The following NELL1 variants were observed in gnomAD, a reference collection of about 807,000 sequenced individuals.
The protein encoded by NELL1 is protein kinase C-binding protein NELL1.
In NELL1, 76 loss-of-function variants were observed where a neutral mutation model predicts 107.4. The ratio of observed to expected loss-of-function variants is 0.71; its 90% CI spans 0.59 to 0.86. The LOEUF (loss-of-function observed/expected upper bound fraction) is 0.86, where lower values mean the gene tolerates loss of function less well. NELL1 is among the 40% of genes least tolerant of loss of function. NELL1 has a pLI of 0.00. For synonymous variants in NELL1, 353 were observed against 341.2 expected (o/e 1.03, Z -0.38); for missense variants, 1,024 against 1,005.5 (o/e 1.02, Z -0.25).
chr11:21,431,405 G>T (rs918790400), intron 15 of NELL1, among the ~76,000 whole-genome samples: 3 of 152,106 alleles, frequency 2.0e-5, no homozygotes, highest in African/African-American at 7.2e-5. Context: ...CACTAAGGTA[G>T]ATCTGTTAAT....
intron 1 of NELL1, among the ~76,000 whole-genome samples, chr11:20,673,791 T>G (rs979509080): frequency 4.6e-5 from 7 of 152,174 alleles, no homozygotes; most frequent in African/African-American, 1.7e-4. Context: ...TAATTGAGTT[T>G]CCTAGGAAAG....
At chr11:21,327,905 G>A (rs1424397883) in intron 14 of NELL1, among the ~76,000 whole-genome samples, 1 of 152,188 alleles carries the variant, frequency 6.6e-6, no homozygotes, top group Non-Finnish European at 1.5e-5. Flanking sequence ...TTGAACTCGG[G>A]AGAGATGATT....
At chr11:21,443,501 A>G (rs1452098005) in intron 15 of NELL1, among the ~76,000 whole-genome samples, 1 of 135,140 alleles carries the variant, frequency 7.4e-6, no homozygotes, top group Non-Finnish European at 1.5e-5. Context: ...GTGAGAAAAA[A>G]AAATAATATC....
chr11:20,696,747 A>G (rs543638319), intron 2 of NELL1, among the ~76,000 whole-genome samples: 6 of 152,304 alleles, frequency 3.9e-5, no homozygotes, highest in African/African-American at 1.4e-4. Context: ...GAAAAATTAC[A>G]TTTAATGAAG....
chr11:20,986,021 G>A (rs1350808144), intron 12 of NELL1, among the ~76,000 whole-genome samples: 2 of 152,168 alleles, frequency 1.3e-5, no homozygotes, highest in Non-Finnish European at 2.9e-5. Context: ...GAAGCCCAAA[G>A]TTGGCATGCT....
chr11:21,227,600 A>G (rs1857927907), intron 13 of NELL1, among the ~76,000 whole-genome samples: 1 of 152,192 alleles, frequency 6.6e-6, no homozygotes, highest in African/African-American at 2.4e-5. Context: ...TGCACCTGCA[A>G]ATACTAGGTA....
chr11:21,071,737 C>G (rs1385615564), intron 12 of NELL1, among the ~76,000 whole-genome samples: 1 of 152,158 alleles, frequency 6.6e-6, no homozygotes, highest in Non-Finnish European at 1.5e-5. Flanking sequence ...TGGATGCAGA[C>G]ATCAGGAATC....
intron 12 of NELL1, among the ~76,000 whole-genome samples, chr11:21,022,165 GA>G (rs1182901634): frequency 6.6e-6 from 1 of 152,064 alleles, no homozygotes; most frequent in African/African-American, 2.4e-5. Flanking sequence ...CATGTATATG[GA>G]AAAGAAAGGA....
chr11:21,341,637 C>G (rs971688151), intron 14 of NELL1, among the ~76,000 whole-genome samples: 2 of 152,224 alleles, frequency 1.3e-5, no homozygotes, highest in African/African-American at 4.8e-5. Flanking sequence ...GAAACTGTTC[C>G]CCAGACCAAG....
In NELL1 at chr11:21,221,545, G is replaced by A. The variant is rs114019102; in HGVS notation, c.1427-7787G>A. ...TTTGCTGGGAGATTTTTTTGTTACT[G>A]TTTCAATCTCTTTACTTGTTATTGG... On this transcript the variant is annotated intron_variant, in intron 13 of 19. Transcript: ENST00000357134. Among the ~76,000 whole-genome samples, 656 of 152,168 alleles carry A rather than the reference G, an allele frequency of 4.3e-3. 6 individuals carry two copies. The highest frequency in any genetic ancestry group is 0.015 in the African/African-American group (627 of 41,508).
chr11:21,285,445 C>G (rs1270432713), intron 14 of NELL1, among the ~76,000 whole-genome samples: 2 of 152,170 alleles, frequency 1.3e-5, no homozygotes, highest in African/African-American at 4.8e-5. Context: ...TGTAACTTTT[C>G]TAATAAATAG....
At chr11:21,286,718 G>A (rs1849126450) in intron 14 of NELL1, among the ~76,000 whole-genome samples, 1 of 152,232 alleles carries the variant, frequency 6.6e-6, no homozygotes, top group African/African-American at 2.4e-5. Context: ...GACTGCTGCA[G>A]TGACACCTAG....
At chr11:20,696,644 C>T (rs1463468022) in intron 2 of NELL1, among the ~76,000 whole-genome samples, 1 of 151,978 alleles carries the variant, frequency 6.6e-6, no homozygotes, top group Non-Finnish European at 1.5e-5. Flanking sequence ...TTTGTTTGTG[C>T]CTGATTATGA....
In NELL1 at chr11:21,386,500, G is replaced by T. The variant is rs149434253; in HGVS notation, c.1645+15552G>T. On this transcript the variant is annotated intron_variant, in intron 15 of 19. Transcript: ENST00000357134. ...GGCTTTCATAGAACATTCCTGATCA[G>T]ATAAGCATGGCCAGATATAGTATTT... is the stretch of plus-strand genomic sequence containing the variant. Among the ~76,000 whole-genome samples the T allele has an allele frequency of 9.2e-5, 14 of 151,986 alleles. No individual in the cohort carries two copies. In the East Asian group the frequency reaches 2.7e-3, roughly 30 times the overall value.
intron 12 of NELL1, among the ~76,000 whole-genome samples, chr11:21,060,630 T>G (rs1325787499): frequency 6.6e-6 from 1 of 152,204 alleles, no homozygotes; most frequent in Non-Finnish European, 1.5e-5. Flanking sequence ...ATTCTTGAAT[T>G]GTCTAGGACT....
At chr11:21,242,722 C>T (rs1463134012) in intron 14 of NELL1, among the ~76,000 whole-genome samples, 3 of 152,088 alleles carry the variant, frequency 2.0e-5, no homozygotes, top group South Asian at 4.1e-4. Context: ...CCCTTCCAAC[C>T]GTGTCATCAC....
At chr11:21,281,684 C>A (rs1407848758) in intron 14 of NELL1, among the ~76,000 whole-genome samples, 1 of 152,090 alleles carries the variant, frequency 6.6e-6, no homozygotes, top group Non-Finnish European at 1.5e-5. Context: ...ACTCCACCCC[C>A]AGATCCAGAG....
chr11:20,889,099 G>A (rs1210331614), intron 5 of NELL1, among the ~76,000 whole-genome samples: 2 of 152,148 alleles, frequency 1.3e-5, no homozygotes, highest in Non-Finnish European at 2.9e-5. Context: ...CACATTGCAA[G>A]GATATGGATG....
At chr11:21,314,556 T>G (rs1009037362) in intron 14 of NELL1, among the ~76,000 whole-genome samples, 3 of 152,160 alleles carry the variant, frequency 2.0e-5, no homozygotes, top group Admixed American at 2.0e-4. Flanking sequence ...TTAGGTACTC[T>G]ACAGGATGCT....
Sources: gnomAD v4.1 joint callset for allele counts (sites outside exome capture counted in the v4.1 genomes callset) on GRCh38, gnomAD v4.1.1 for gene constraint, MANE v1.5 for transcripts, NCBI Gene and HGNC (gene_info 2026-07-23, HGNC 2026-07-21) for gene names.